Variants in FGF14 observed in about 807,000 individuals in gnomAD.
FGF14 encodes the protein fibroblast growth factor homologous factor 4.
In FGF14, 5 loss-of-function variants were observed where a neutral mutation model predicts 25.5. That is an observed-to-expected ratio of 0.20 (90% CI 0.10 to 0.41). The LOEUF is 0.41. FGF14 is among the 10% of genes least tolerant of loss of function. The probability of loss-of-function intolerance (pLI) is 1.00; values close to 1 mark genes in which losing one functional copy is unlikely to be tolerated. For missense variants in FGF14, 222 were observed against 320.1 expected, an observed-to-expected ratio of 0.69 and a Z score of 2.34; for synonymous variants, 138 against 118.3, an observed-to-expected ratio of 1.17 and a Z score of -1.08.
intron 1 of FGF14, among the ~76,000 whole-genome samples, chr13:102,303,797 G>A (rs984587654): frequency 6.6e-6 from 1 of 152,130 alleles, no homozygotes; most frequent in South Asian, 2.1e-4. Context: ...TGACCTTAGT[G>A]TACATTAAAC....
chr13:101,796,231 C>A (rs979252776), intron 3 of FGF14, among the ~76,000 whole-genome samples: 1 of 151,938 alleles, frequency 6.6e-6, no homozygotes, highest in Admixed American at 6.6e-5. Context: ...TACTAAAATT[C>A]ATTTCTTTAA....
At chr13:102,051,107 G>A (rs973767748) in intron 1 of FGF14, among the ~76,000 whole-genome samples, 15 of 152,284 alleles carry the variant, frequency 9.9e-5, no homozygotes, top group South Asian at 2.1e-4. Flanking sequence ...TGGTGGCTGC[G>A]TTAAGCCCAC....
At chr13:101,747,086 G>C (rs191330050) in intron 3 of FGF14, among the ~76,000 whole-genome samples, 5 of 152,050 alleles carry the variant, frequency 3.3e-5, no homozygotes, top group Admixed American at 6.6e-5. Context: ...GTGGTATGTT[G>C]AGCATTGTCA....
At chr13:101,777,744 C>T (rs1465530977) in intron 3 of FGF14, among the ~76,000 whole-genome samples, 1 of 151,994 alleles carries the variant, frequency 6.6e-6, no homozygotes, top group African/African-American at 2.4e-5. Flanking sequence ...GGTGGATCAC[C>T]CGAGGTCAGG....
intron 1 of FGF14, among the ~76,000 whole-genome samples, chr13:102,144,789 C>T (rs1050848048): frequency 6.6e-6 from 1 of 152,090 alleles, no homozygotes; most frequent in African/African-American, 2.4e-5. Context: ...CAACACAAAG[C>T]TTAAGTCATC....
chr13:102,080,686 C>CAA (rs2043578224), intron 1 of FGF14, among the ~76,000 whole-genome samples: 1 of 152,230 alleles, frequency 6.6e-6, no homozygotes, highest in African/African-American at 2.4e-5. Context: ...TTTGTCTACA[C>CAA]AGCCTCTCTT....
chr13:102,272,712 C>T (rs1172351838), intron 1 of FGF14, among the ~76,000 whole-genome samples: 1 of 152,008 alleles, frequency 6.6e-6, no homozygotes. Context: ...AACTGAGACA[C>T]AAAGCTGTGA....
At chr13:101,925,459 A>G (rs111934500) in intron 1 of FGF14, among the ~76,000 whole-genome samples, 30 of 152,330 alleles carry the variant, frequency 2.0e-4, no homozygotes, top group African/African-American at 5.5e-4. Flanking sequence ...GACAACTGGT[A>G]CTTCAGTGTG....
intron 1 of FGF14, among the ~76,000 whole-genome samples, chr13:102,097,998 C>T (rs1275818855): frequency 6.6e-6 from 1 of 152,242 alleles, no homozygotes; most frequent in African/African-American, 2.4e-5. Context: ...CTGGAATGCA[C>T]TAGGGCTCAC....
intron 3 of FGF14, among the ~76,000 whole-genome samples, chr13:101,803,847 A>C (rs1054542152): frequency 2.6e-5 from 4 of 152,210 alleles, no homozygotes; most frequent in African/African-American, 7.2e-5. Flanking sequence ...TTTCAGATGC[A>C]TGTGAGACAT....
chr13:102,249,627 C>T (rs1034813491), intron 1 of FGF14, among the ~76,000 whole-genome samples: 5 of 151,990 alleles, frequency 3.3e-5, no homozygotes, highest in Non-Finnish European at 5.9e-5. Flanking sequence ...CTGTTATCTT[C>T]TGTGTTGAAA....
chr13:102,394,118 C>G (rs1407290181), intron 1 of FGF14, among the ~76,000 whole-genome samples: 2 of 152,230 alleles, frequency 1.3e-5, no homozygotes, highest in Non-Finnish European at 2.9e-5. Flanking sequence ...CTCCCAGTAG[C>G]TAGTGTGTAA....
intron 4 of FGF14, among the ~76,000 whole-genome samples, chr13:101,725,914 G>A (rs1362098282): frequency 6.6e-6 from 1 of 151,994 alleles, no homozygotes; most frequent in Non-Finnish European, 1.5e-5. Context: ...AAAAAACTTT[G>A]TAGCCTGCTC....
intron 1 of FGF14, among the ~76,000 whole-genome samples, chr13:102,171,176 C>T (rs8002848): frequency 0.052 from 7,848 of 152,158 alleles, 246 homozygotes; most frequent in Middle Eastern, 0.17. Flanking sequence ...AAAGATTTAA[C>T]GTATTGATCG....
intron 1 of FGF14, among the ~76,000 whole-genome samples, chr13:101,916,118 C>T (rs992589850): frequency 2.6e-5 from 4 of 152,218 alleles, no homozygotes; most frequent in African/African-American, 7.2e-5. Context: ...AGGGGTGCCC[C>T]GCGTTCCAGA....
chr13:102,315,888 TA>T (rs1205126890), intron 1 of FGF14, among the ~76,000 whole-genome samples: 1 of 152,146 alleles, frequency 6.6e-6, no homozygotes, highest in Non-Finnish European at 1.5e-5. Context: ...CAAGATATTT[TA>T]AAAAAAACCT....
chr13:102,292,269 A>T (rs2054447780), intron 1 of FGF14: 1 of 118,190 alleles, frequency 8.5e-6, no homozygotes, highest in East Asian at 2.5e-4. Flanking sequence ...CCTACCTTAT[A>T]CTCTATAGCA....
At chr13:102,188,383 G>A (rs762940452) in intron 1 of FGF14, among the ~76,000 whole-genome samples, 3 of 152,108 alleles carry the variant, frequency 2.0e-5, no homozygotes, top group Non-Finnish European at 2.9e-5. Flanking sequence ...ATGAACAAGT[G>A]GAAAGATCTG....
chr13:101,867,669 G>A (rs544855850), intron 3 of FGF14, among the ~76,000 whole-genome samples: 7 of 152,130 alleles, frequency 4.6e-5, no homozygotes, highest in South Asian at 2.1e-4. Context: ...CTGCATATTC[G>A]TCTTGTGCGA....
Sources: allele counts gnomAD v4.1 joint callset (sites outside exome capture counted in the v4.1 genomes callset), GRCh38; gene constraint gnomAD v4.1.1; transcripts MANE v1.5; gene names NCBI Gene and HGNC (gene_info 2026-07-23, HGNC 2026-07-21).